The following DOC2B variants were observed in gnomAD, a reference collection of about 807,000 sequenced individuals.
DOC2B encodes double C2 domain beta.
A neutral mutation model predicts 28.9 loss-of-function variants in DOC2B; 21 were observed. The ratio of observed to expected loss-of-function variants is 0.73; its 90% confidence interval spans 0.52 to 1.05. The LOEUF (loss-of-function observed/expected upper bound fraction) is 1.05, where lower values mean the gene tolerates loss of function less well. Among genes scored for constraint, DOC2B ranks in the 50% least tolerant of loss-of-function variants. DOC2B has a pLI of 0.00. For missense variants in DOC2B, 384 were observed against 421.1 expected (o/e 0.91, Z 0.77); for synonymous variants, 194 against 178.1 (o/e 1.09, Z -0.71).
intron 1 of DOC2B, among the ~76,000 whole-genome samples, chr17:174,417 T>C (rs1271953272): frequency 1.3e-5 from 2 of 152,198 alleles, no homozygotes; most frequent in Admixed American, 6.5e-5. Flanking sequence ...CAGATCCCTA[T>C]GGTGGGTTTT....
chr17:176,398 G>A (rs1056211864), intron 1 of DOC2B, among the ~76,000 whole-genome samples: 2 of 141,660 alleles, frequency 1.4e-5, no homozygotes, highest in African/African-American at 2.6e-5. Flanking sequence ...TGGTGCGGGG[G>A]GTGCGGGGGG....
chr17:170,672 G>A (rs1299728040), intron 2 of DOC2B, among the ~76,000 whole-genome samples: 2 of 152,192 alleles, frequency 1.3e-5, no homozygotes, highest in African/African-American at 4.8e-5. Flanking sequence ...CTCCCACAGG[G>A]AGCAATGGGG....
chr17:146,834 C>T lies in DOC2B; in HGVS notation c.*607G>A, dbSNP rs2040022827. On this transcript the variant is annotated 3_prime_UTR_variant, in exon 9 of 9. Transcript: ENST00000613549. Reference sequence around the variant, plus strand: ...TGACTAGATGGGAACTCCCTGAGGGCAGGCCCTGTGTCTCATTCACCCCCA... The same window carrying T: ...TGACTAGATGGGAACTCCCTGAGGGTAGGCCCTGTGTCTCATTCACCCCCA... The T allele has an allele frequency of 1.3e-5, 2 of 152,326 alleles. No homozygotes were observed. The highest frequency in any genetic ancestry group is 4.8e-5 in the African/African-American group (2 of 41,476). 9.4% of individuals were successfully genotyped at this position (152,326 alleles called of 1,614,324 possible).
rs769687126 is a variant in DOC2B, at chr17:156,237, C to T, written c.906G>A (p.Ser302=). The change falls in exon 6 of 9, where the codon TCG becomes TCA. Residue 302 remains serine (S), a synonymous_variant. Coordinates refer to ENST00000613549, the MANE Select transcript of DOC2B (RefSeq NM_003585.5). ...HLAAMDANGY[S]DPYVKTYLRP... ...ACACTCACGTTTTCACGTAGGGGTC[C>T]GAGTAGCCGTTGGCGTCCATGGCGG... 5.8e-6 allele frequency: 9 copies of T among 1,550,588 alleles called. No homozygotes were observed. Among genetic ancestry groups the T allele is most frequent in the South Asian group, 1.2e-5 (1 of 84,000 alleles).
At position 181,446 on chromosome 17, in the gene DOC2B, T is replaced by G. The variant is rs931535608; in HGVS notation, c.34A>C (p.Ile12Leu). 4.3e-6 allele frequency: 5 copies of G among 1,156,324 alleles called. No homozygotes were observed. In the Admixed American group the frequency reaches 1.4e-4, roughly 32 times the overall value. 71.6% of individuals were successfully genotyped at this position (1,156,324 alleles called of 1,614,324 possible). The change falls in exon 1 of 9, where the codon ATC becomes CTC. Residue 12 changes from isoleucine (I) to leucine (L), a missense_variant. Ile to Leu is a conservative substitution (Grantham distance 5, BLOSUM62 2). Transcript: ENST00000613549. The surrounding 1 kb of genome is among the most constrained non-coding windows in gnomAD (Gnocchi z 7.0). ...ATGGCCATATGCTCCTGGATGCTGA[T>G]GGTCGCCTTCTCCCCGCGCCGCCGG... is the stretch of plus-strand genomic sequence containing the variant. ...TLRRRGEKAT[I>L]SIQEHMAIDV...
At chr17:153,515 CA>C (rs1410236781) in intron 6 of DOC2B, among the ~76,000 whole-genome samples, 1 of 152,112 alleles carries the variant, frequency 6.6e-6, no homozygotes, top group African/African-American at 2.4e-5. Context: ...CCAGCCTGGC[CA>C]ACATGGTGAA....
chr17:158,966 C>A (rs2040167697), intron 5 of DOC2B, among the ~76,000 whole-genome samples: 1 of 149,628 alleles, frequency 6.7e-6, no homozygotes, highest in African/African-American at 2.5e-5. Flanking sequence ...ATCACTTGAA[C>A]CCGGGAGGCG....
intron 1 of DOC2B, among the ~76,000 whole-genome samples, chr17:179,034 C>T (rs2040402267): frequency 6.6e-6 from 1 of 152,228 alleles, no homozygotes; most frequent in Non-Finnish European, 1.5e-5. Context: ...CCCATAGGAT[C>T]CAAGCCTAGG....
chr17:181,237 C>T lies in DOC2B; in HGVS notation c.243G>A (p.Glu81=), dbSNP rs937645368. 90 of 1,215,910 alleles carry T rather than the reference C, an allele frequency of 7.4e-5. No individual in the cohort carries two copies. Among genetic ancestry groups the T allele is most frequent in the Non-Finnish European group, 9.2e-5 (90 of 977,980 alleles). 75.3% of individuals were successfully genotyped at this position (1,215,910 alleles called of 1,614,324 possible). A position where few individuals can be genotyped will look rare whatever the true frequency, so the allele number is the denominator to read the frequency against. ...SPSDGAREDD[E]DVDQLFGAYG... ...AGGCTCCGAAGAGCTGGTCCACATC[C>T]TCGTCGTCCTCGCGGGCGCCGTCGG... Residue 81 remains glutamate, a synonymous_variant, in exon 1 of 9, where the codon GAG becomes GAA. Transcript: ENST00000613549. This position sits in a 1 kb window ranked among gnomAD's most constrained non-coding sequence, Gnocchi z 7.0.
At position 162,167 on chromosome 17, in the gene DOC2B, A is replaced by AGTT; in HGVS notation, c.549_551dup (p.Thr184dup). The stretch of plus-strand genomic sequence containing the variant: ...ATGTGGGGTTCAGAGTGTTACGGAG[A>AGTT]GTTTTTGTTCTGAGCTTATTTGCCT... On this transcript the variant is annotated inframe_insertion, in exon 4 of 9. Transcript: ENST00000613549. 6.4e-7 allele frequency: 1 copy of AGTT among 1,551,778 alleles called. No individual in the cohort carries two copies. Among genetic ancestry groups the AGTT allele is most frequent in the Non-Finnish European group, 8.7e-7 (1 of 1,146,974 alleles).
rs2039995580 is a variant in DOC2B, at chr17:143,093, G to A, written c.*4348C>T. The A allele has an allele frequency of 6.6e-6, 1 of 152,174 alleles. No individual in the cohort carries two copies. The highest frequency in any genetic ancestry group is 6.5e-5 in the Admixed American group (1 of 15,278). The allele number at this position is 152,174 out of a possible 1,614,324, so 9.4% of individuals were successfully genotyped here. Reference sequence around the variant, plus strand: ...TGTTGGATGAGTGGACAACAGCATGGTCGACAGGTCCTGGTGCAAAATGTC... The same window carrying A: ...TGTTGGATGAGTGGACAACAGCATGATCGACAGGTCCTGGTGCAAAATGTC... On this transcript the variant is annotated 3_prime_UTR_variant, in exon 9 of 9. Coordinates refer to ENST00000613549, the MANE Select transcript of DOC2B (RefSeq NM_003585.5).
intron 2 of DOC2B, among the ~76,000 whole-genome samples, chr17:164,723 T>C (rs1211215401): frequency 1.3e-5 from 2 of 152,070 alleles, no homozygotes; most frequent in Non-Finnish European, 2.9e-5. Context: ...CTCCACAAGA[T>C]GGCACCCCTC....
chr17:149,204 T>A lies in DOC2B; in HGVS notation c.924-12A>T. 2.5e-6 allele frequency: 1 copy of A among 399,734 alleles called. No individual in the cohort carries two copies. The allele number at this position is 399,734 out of a possible 1,614,324, so 24.8% of individuals were successfully genotyped here. A position where few individuals can be genotyped will look rare whatever the true frequency, so the allele number is the denominator to read the frequency against. On this transcript the variant is annotated splice_polypyrimidine_tract_variant and intron_variant, in intron 6 of 8. Transcript: ENST00000613549. ...CTGGCCTCAGGTATCTGGAATTACA[T>A]CCAACGGACAGGCAGAGGATGGGGA... is the stretch of plus-strand genomic sequence containing the variant.
At chr17:153,719 C>T (rs2040098186) in intron 6 of DOC2B, among the ~76,000 whole-genome samples, 1 of 151,774 alleles carries the variant, frequency 6.6e-6, no homozygotes. Flanking sequence ...AAAAATCACA[C>T]CATTTTGGCT....
At chr17:150,838 G>C (rs1191104329) in intron 6 of DOC2B, among the ~76,000 whole-genome samples, 1 of 152,176 alleles carries the variant, frequency 6.6e-6, no homozygotes, top group African/African-American at 2.4e-5. Context: ...AGACCACTTA[G>C]CAACAAAAAG....
intron 3 of DOC2B, among the ~76,000 whole-genome samples, chr17:162,832 T>A (rs1555523439): frequency 2.0e-5 from 3 of 152,190 alleles, no homozygotes; most frequent in Non-Finnish European, 4.4e-5. Context: ...CCTGCCTTTG[T>A]GGACCGTCCC....
intron 2 of DOC2B, among the ~76,000 whole-genome samples, chr17:169,151 A>G (rs886230489): frequency 2.0e-5 from 3 of 152,068 alleles, no homozygotes; most frequent in African/African-American, 7.2e-5. Context: ...TCAGCCTGAA[A>G]AGGAAGTTTT....
intron 2 of DOC2B, among the ~76,000 whole-genome samples, chr17:164,994 C>G (rs2040245731): frequency 6.6e-6 from 1 of 152,186 alleles, no homozygotes; most frequent in African/African-American, 2.4e-5. Flanking sequence ...ACACCAGGCC[C>G]ATCTCCAAGG....
chr17:148,713 CTCT>C (rs1403793180), intron 7 of DOC2B, among the ~76,000 whole-genome samples: 15 of 152,114 alleles, frequency 9.9e-5, no homozygotes, highest in Non-Finnish European at 8.8e-5. Flanking sequence ...GGCCCCTCTG[CTCT>C]TCTTTCCTTC....
Sources: gnomAD v4.1 joint callset for allele counts (sites outside exome capture counted in the v4.1 genomes callset) on GRCh38, gnomAD v4.1.1 for gene constraint, Gnocchi (gnomAD v3.1) non-coding constraint, MANE v1.5 for transcripts, NCBI Gene and HGNC (gene_info 2026-07-23, HGNC 2026-07-21) for gene names.